SHANK2: variants seen among roughly 807,000 people sequenced by gnomAD.
The protein encoded by SHANK2 is SH3 and multiple ankyrin repeat domains protein 2.
In SHANK2, 43 loss-of-function variants were observed where a neutral mutation model predicts 133.7. The ratio of observed to expected loss-of-function variants is 0.32; its 90% CI spans 0.25 to 0.41. The LOEUF is 0.41. SHANK2 is among the 10% of genes least tolerant of loss of function. SHANK2 has a pLI of 1.00. For synonymous variants in SHANK2, 1,017 were observed against 952.8 expected, an observed-to-expected ratio of 1.07 and a Z score of -1.24; for missense variants, 1,994 against 2,235.8, an observed-to-expected ratio of 0.89 and a Z score of 2.18.
chr11:71,077,714 G>A (rs1362479582), intron 8 of SHANK2, among the ~76,000 whole-genome samples: 4 of 152,116 alleles, frequency 2.6e-5, no homozygotes, highest in Non-Finnish European at 5.9e-5. Flanking sequence ...ATGCAGGGGG[G>A]TGAGGGGGAT....
intron 4 of SHANK2, 99 bp from the exon 5 acceptor site, chr11:71,113,463 C>CG: frequency 9.4e-7 from 1 of 1,060,222 alleles, no homozygotes; most frequent in Non-Finnish European, 1.4e-6. Flanking sequence ...TCACAGAAGA[C>CG]GGGGAACCCC....
chr11:70,854,920 T>C (rs1555066542), intron 11 of SHANK2, among the ~76,000 whole-genome samples: 1 of 152,150 alleles, frequency 6.6e-6, no homozygotes, highest in Non-Finnish European at 1.5e-5. Flanking sequence ...CAGCAAGAGC[T>C]GTACTTTTTG....
rs782336422 is a variant in SHANK2 at position 70,485,305 on chromosome 11, C to T, written c.4979+9G>A. 27 of 1,612,578 alleles carry T rather than the reference C, an allele frequency of 1.7e-5. No homozygotes were observed. Among genetic ancestry groups the T allele is most frequent in the Middle Eastern group, 3.4e-4 (2 of 5,926 alleles). ...GAGCGGTGTGCATGTGCACCAACCG[C>T]GGACTTACCTTGGAGCGAGGCTGGC... is the stretch of plus-strand genomic sequence containing the variant. On this transcript the variant is annotated intron_variant, in intron 25 of 25. Coordinates refer to ENST00000601538, the MANE Select transcript of SHANK2 (RefSeq NM_012309.5). The surrounding 1 kb of genome is among the most constrained non-coding windows in gnomAD (Gnocchi z 5.8).
At chr11:70,832,107 G>A (rs1356074669) in intron 11 of SHANK2, among the ~76,000 whole-genome samples, 4 of 152,212 alleles carry the variant, frequency 2.6e-5, no homozygotes, top group Non-Finnish European at 5.9e-5. Flanking sequence ...AGTCCCATGA[G>A]CTCTCTGTGC....
At chr11:70,497,243 T>C (rs181162633) in intron 21 of SHANK2, among the ~76,000 whole-genome samples, 7 of 152,330 alleles carry the variant, frequency 4.6e-5, no homozygotes, top group Admixed American at 3.3e-4. Context: ...TTGGAGATCT[T>C]GTTTACCGGG....
intron 14 of SHANK2, among the ~76,000 whole-genome samples, chr11:70,701,869 CCATCACCACTCCCATCAT>C (rs1465625377): frequency 6.6e-6 from 1 of 151,978 alleles, no homozygotes; most frequent in South Asian, 2.1e-4. Context: ...ATCATTATCA[CCATCACCACTCCCATCAT>C]CATCACCACC....
chr11:70,760,931 A>G (rs1565298698), intron 14 of SHANK2, among the ~76,000 whole-genome samples: 1 of 152,148 alleles, frequency 6.6e-6, no homozygotes, highest in African/African-American at 2.4e-5. Context: ...CAGGGCTTCA[A>G]TGCAGGGAGG....
At chr11:70,738,491 G>C (rs980899466) in intron 14 of SHANK2, among the ~76,000 whole-genome samples, 1 of 152,228 alleles carries the variant, frequency 6.6e-6, no homozygotes, top group Admixed American at 6.5e-5. Flanking sequence ...ACTGCCCCTC[G>C]TGTGCGGGGA....
chr11:70,935,874 G>A lies in SHANK2; in HGVS notation c.1108-39307C>T, dbSNP rs192033337. ...TGAGCGGGCCTCTTACACCGCCCCC[G>A]CAAAGGTGAACCATTCCAGGTTAAG... On this transcript the variant is annotated intron_variant, in intron 10 of 25. Transcript: ENST00000601538. 1.5e-3 allele frequency among the ~76,000 whole-genome samples: 233 copies of A among 152,218 alleles called. 1 individual carries two copies. Among genetic ancestry groups the A allele is most frequent in the South Asian group, 2.7e-3 (13 of 4,830 alleles).
intron 2 of SHANK2, among the ~76,000 whole-genome samples, chr11:71,214,149 C>T (rs781870120): frequency 2.0e-5 from 3 of 152,178 alleles, no homozygotes; most frequent in Admixed American, 6.5e-5. Flanking sequence ...CACCTCCTGC[C>T]TCCTGACCAA....
chr11:70,785,295 T>C (rs1947624755), intron 14 of SHANK2, among the ~76,000 whole-genome samples: 1 of 152,138 alleles, frequency 6.6e-6, no homozygotes, highest in South Asian at 2.1e-4. Context: ...GCATGAGGTT[T>C]GCTGCTAAAA....
chr11:70,915,188 T>C (rs1235615969), intron 10 of SHANK2, among the ~76,000 whole-genome samples: 1 of 152,144 alleles, frequency 6.6e-6, no homozygotes, highest in African/African-American at 2.4e-5. Context: ...AAAATACGGA[T>C]GCCTTCTTTA....
intron 1 of SHANK2, among the ~76,000 whole-genome samples, chr11:71,234,041 G>A (rs1389925110): frequency 1.9e-4 from 24 of 129,674 alleles, no homozygotes; most frequent in South Asian, 7.7e-4. Flanking sequence ...AGCAAGACTC[G>A]TCTCAAAGAT....
intron 17 of SHANK2, among the ~76,000 whole-genome samples, chr11:70,629,472 T>C (rs2060951302): frequency 1.3e-5 from 2 of 152,114 alleles, no homozygotes; most frequent in Non-Finnish European, 2.9e-5. Context: ...GTCCAGCAGG[T>C]TCCGGCCTGG....
At chr11:70,515,450 A>G (rs1591525666) in intron 17 of SHANK2, among the ~76,000 whole-genome samples, 2 of 152,088 alleles carry the variant, frequency 1.3e-5, no homozygotes, top group Admixed American at 6.6e-5. Context: ...TTCGAAGGCC[A>G]TATCTTTTTC....
At chr11:70,940,525 C>G (rs1393366208) in intron 10 of SHANK2, among the ~76,000 whole-genome samples, 1 of 151,908 alleles carries the variant, frequency 6.6e-6, no homozygotes, top group African/African-American at 2.4e-5. Context: ...AGAATTTCTT[C>G]TGTTTCTACC....
At chr11:70,797,510 C>T (rs1290736886) in intron 14 of SHANK2, among the ~76,000 whole-genome samples, 1 of 152,182 alleles carries the variant, frequency 6.6e-6, no homozygotes, top group Non-Finnish European at 1.5e-5. Flanking sequence ...CCAGCCAGGT[C>T]CAGGACAGAC....
chr11:70,553,696 G>A (rs1270462731), intron 17 of SHANK2, among the ~76,000 whole-genome samples: 3 of 152,212 alleles, frequency 2.0e-5, no homozygotes, highest in Non-Finnish European at 4.4e-5. Context: ...TCTCCTCTCT[G>A]GGGGAACATG....
In SHANK2 at chr11:70,693,868, G is replaced by C. The variant is rs114985032; in HGVS notation, c.1853+4820C>G. Among the ~76,000 whole-genome samples, 997 of 152,328 alleles carry C rather than the reference G, an allele frequency of 6.5e-3. 12 individuals are homozygous for C. Among genetic ancestry groups the C allele is most frequent in the African/African-American group, 0.022 (934 of 41,576 alleles). On this transcript the variant is annotated intron_variant, in intron 15 of 25. Coordinates refer to ENST00000601538, the MANE Select transcript of SHANK2 (RefSeq NM_012309.5). ...TGGAAGGATTCATACATGGATGGAT[G>C]AATGGATAGATGGATGTGTGGATAG...
Sources: allele counts gnomAD v4.1 joint callset (sites outside exome capture counted in the v4.1 genomes callset), GRCh38; gene constraint gnomAD v4.1.1; non-coding constraint Gnocchi (gnomAD v3.1); transcripts MANE v1.5; gene names NCBI Gene and HGNC (gene_info 2026-07-23, HGNC 2026-07-21).